The following SERPINB5 variants were observed in gnomAD, a reference collection of about 807,000 sequenced individuals.
SERPINB5 encodes serpin family B member 5, also known as serpin B5.
In SERPINB5, 27 loss-of-function variants were observed where a neutral mutation model predicts 32.2. The ratio of observed to expected loss-of-function variants is 0.84; its 90% confidence interval spans 0.62 to 1.16. The LOEUF (loss-of-function observed/expected upper bound fraction) is 1.16, where lower values mean the gene tolerates loss of function less well. Ranked by LOEUF, SERPINB5 falls within the 50% of genes most tolerant of loss-of-function variation. SERPINB5 has a pLI of 0.00. For synonymous variants in SERPINB5, 154 were observed against 157.4 expected, an observed-to-expected ratio of 0.98 and a Z score of 0.16; for missense variants, 388 against 436.3, an observed-to-expected ratio of 0.89 and a Z score of 0.99.
Position 63,503,606 on chromosome 18 carries a change from G to A in SERPINB5, c.1012G>A (p.Gly338Arg). 3.7e-6 allele frequency: 6 copies of A among 1,614,260 alleles called. No individual in the cohort carries two copies. Among genetic ancestry groups the A allele is most frequent in the Non-Finnish European group, 4.2e-6 (5 of 1,180,040 alleles). Residue 338 changes from glycine (G) to arginine (R), a missense_variant, in exon 7 of 7, where the codon GGA becomes AGA. Coordinates refer to ENST00000382771, the MANE Select transcript of SERPINB5 (RefSeq NM_002639.5). ...EDGGDSIEVP[G>R]ARILQHKDEL... ...TGGTGGGGATTCCATAGAGGTGCCAGGAGCACGGATCCTGCAGCACAAGGA... is the reference window on the plus strand; with the variant it reads ...TGGTGGGGATTCCATAGAGGTGCCAAGAGCACGGATCCTGCAGCACAAGGA...
intron 6 of SERPINB5, 147 bp from the exon 7 acceptor site, chr18:63,503,183 A>C: frequency 1.2e-6 from 1 of 837,408 alleles, no homozygotes; most frequent in Non-Finnish European, 1.8e-6. Context: ...CCTGAGTCAC[A>C]TACCAAAAAC....
intron 1 of SERPINB5, 85 bp from the exon 2 acceptor site, chr18:63,484,337 G>T: frequency 8.0e-6 from 10 of 1,249,666 alleles, no homozygotes; most frequent in Non-Finnish European, 8.8e-6. Context: ...TGTTTAAATA[G>T]AATTCTTATA....
At position 63,498,867 on chromosome 18, in the gene SERPINB5, A is replaced by G. The variant is rs1909507172; in HGVS notation, c.568-253A>G. Among the ~76,000 whole-genome samples, 1 of 150,642 alleles carries G rather than the reference A, an allele frequency of 6.6e-6. No homozygotes were observed. The highest frequency in any genetic ancestry group is 1.5e-5 in the Non-Finnish European group (1 of 67,712). On this transcript the variant is annotated intron_variant, in intron 5 of 6. Coordinates refer to ENST00000382771, the MANE Select transcript of SERPINB5 (RefSeq NM_002639.5). This position sits in a 1 kb window ranked among gnomAD's most constrained non-coding sequence, Gnocchi z 4.2. Reference sequence around the variant, plus strand: ...AGTATGTATATATAAGTGTGTATATATAGGTGTGTGTATATGTATATGTAT... The same window carrying G: ...AGTATGTATATATAAGTGTGTATATGTAGGTGTGTGTATATGTATATGTAT...
intron 5 of SERPINB5, 107 bp from the exon 6 acceptor site, chr18:63,499,013 G>T: frequency 2.0e-6 from 1 of 504,272 alleles, no homozygotes; most frequent in Non-Finnish European, 3.1e-6. Context: ...ATATACATGT[G>T]GGTATATATG....
chr18:63,490,329 C>A lies in SERPINB5; in HGVS notation c.424+865C>A, dbSNP rs532181121. 2.0e-3 allele frequency among the ~76,000 whole-genome samples: 298 copies of A among 152,268 alleles called. 1 individual carries two copies. Among genetic ancestry groups the A allele is most frequent in the South Asian group, 4.1e-3 (20 of 4,824 alleles). Reference sequence around the variant, plus strand: ...TCTTTCTCCGGCTCAGTGCTTCCCCCAGGCGTCTCCCTCGTCGGACTCCTC... The same window carrying A: ...TCTTTCTCCGGCTCAGTGCTTCCCCAAGGCGTCTCCCTCGTCGGACTCCTC... On this transcript the variant is annotated intron_variant, in intron 4 of 6. Coordinates refer to ENST00000382771, the MANE Select transcript of SERPINB5 (RefSeq NM_002639.5).
intron 5 of SERPINB5, among the ~76,000 whole-genome samples, chr18:63,494,105 C>T (rs1015743156): frequency 2.6e-5 from 4 of 151,150 alleles, no homozygotes; most frequent in East Asian, 2.0e-4. Flanking sequence ...AGGCAGATCA[C>T]GAGGTCAGGA....
In SERPINB5 at chr18:63,492,935, T is replaced by C; in HGVS notation, c.425-18T>C. On this transcript the variant is annotated intron_variant, in intron 4 of 6. Transcript: ENST00000382771. ...GAAGAATAATTCTGCTACTTGTGTT[T>C]TCCTAAAATTGTTGCAGGCCACTTT... 6.2e-7 allele frequency: 1 copy of C among 1,602,834 alleles called. No individual in the cohort carries two copies. The highest frequency in any genetic ancestry group is 8.5e-7 in the Non-Finnish European group (1 of 1,173,876).
intron 5 of SERPINB5, chr18:63,497,542 G>T: frequency 5.1e-6 from 2 of 394,876 alleles, no homozygotes; most frequent in African/African-American, 2.1e-5. Flanking sequence ...GAGCTCAAAG[G>T]GACTTAGAGA....
At chr18:63,496,610 T>C (rs1188518598) in intron 5 of SERPINB5, among the ~76,000 whole-genome samples, 3 of 152,118 alleles carry the variant, frequency 2.0e-5, no homozygotes, top group African/African-American at 7.2e-5. Context: ...TGGAGAGAGG[T>C]ATTGGGGAAG....
rs906689759 is a variant in SERPINB5 at position 63,498,778 on chromosome 18, T to C, written c.568-342T>C. 1.6e-4 allele frequency among the ~76,000 whole-genome samples: 24 copies of C among 151,482 alleles called. No homozygotes were observed. Among genetic ancestry groups the C allele is most frequent in the African/African-American group, 4.1e-4 (17 of 41,258 alleles). On this transcript the variant is annotated intron_variant, in intron 5 of 6. Transcript: ENST00000382771. This position sits in a 1 kb window ranked among gnomAD's most constrained non-coding sequence, Gnocchi z 4.2. Reference sequence around the variant, plus strand: ...ATATATATATGTACATATATATTTATGTGTTTGCCTATATATGTGTATATA... The same window carrying C: ...ATATATATATGTACATATATATTTACGTGTTTGCCTATATATGTGTATATA...
At chr18:63,502,551 A>T (rs981725570) in intron 6 of SERPINB5, among the ~76,000 whole-genome samples, 1 of 152,154 alleles carries the variant, frequency 6.6e-6, no homozygotes, top group African/African-American at 2.4e-5. Flanking sequence ...CTTTAGCTTT[A>T]ATTTAATTTT....
At chr18:63,487,316 C>T (rs1917231957) in intron 3 of SERPINB5, among the ~76,000 whole-genome samples, 1 of 152,156 alleles carries the variant, frequency 6.6e-6, no homozygotes, top group African/African-American at 2.4e-5. Flanking sequence ...TTTTCTCTCT[C>T]AAATAAATCT....
At chr18:63,480,638 TTTGA>T (rs1917112534) in intron 1 of SERPINB5, among the ~76,000 whole-genome samples, 1 of 152,254 alleles carries the variant, frequency 6.6e-6, no homozygotes, top group African/African-American at 2.4e-5. Flanking sequence ...GTTTAAATGC[TTTGA>T]TTGTCTTGCA....
intron 1 of SERPINB5, among the ~76,000 whole-genome samples, chr18:63,478,322 A>G (rs1252213163): frequency 1.3e-5 from 2 of 152,166 alleles, no homozygotes; most frequent in African/African-American, 4.8e-5. Flanking sequence ...AGTGGTCAAG[A>G]TCAGGCTTCT....
chr18:63,489,953 G>T (rs1422808588), intron 4 of SERPINB5, among the ~76,000 whole-genome samples: 2 of 152,202 alleles, frequency 1.3e-5, no homozygotes, highest in Admixed American at 1.3e-4. Flanking sequence ...AGCACTTTGG[G>T]AGGCCAAGGC....
intron 4 of SERPINB5, among the ~76,000 whole-genome samples, chr18:63,491,322 A>G (rs1423198766): frequency 1.3e-5 from 2 of 148,286 alleles, no homozygotes; most frequent in East Asian, 2.1e-4. Context: ...TAATCGCTTG[A>G]ACCTGGGAGG....
intron 6 of SERPINB5, among the ~76,000 whole-genome samples, chr18:63,502,525 T>TG (rs563104705): frequency 6.8e-6 from 1 of 146,528 alleles, no homozygotes; most frequent in African/African-American, 2.5e-5. Context: ...AAATTCCCAT[T>TG]AAAAAAAAAA....
chr18:63,482,992 GT>G (rs1917149616), intron 1 of SERPINB5, among the ~76,000 whole-genome samples: 2 of 151,776 alleles, frequency 1.3e-5, no homozygotes, highest in African/African-American at 2.4e-5. Context: ...AAACTCCGCT[GT>G]CTATTAGAGA....
chr18:63,491,156 C>T lies in SERPINB5; in HGVS notation c.424+1692C>T, dbSNP rs142651488. ...GGTGGCTCATGCCATAATCCCAGCA[C>T]TTTGGGAGGCCAAGGCAGCTGGATC... On this transcript the variant is annotated intron_variant, in intron 4 of 6. Transcript: ENST00000382771. 8.3e-3 allele frequency among the ~76,000 whole-genome samples: 1,261 copies of T among 152,180 alleles called. 22 individuals carry two copies. Among genetic ancestry groups the T allele is most frequent in the African/African-American group, 0.029 (1,201 of 41,530 alleles).
Sources: allele counts gnomAD v4.1 joint callset (sites outside exome capture counted in the v4.1 genomes callset), GRCh38; gene constraint gnomAD v4.1.1; non-coding constraint Gnocchi (gnomAD v3.1); transcripts MANE v1.5; gene names NCBI Gene and HGNC (gene_info 2026-07-23, HGNC 2026-07-21).